The following CSGALNACT1 variants were observed in gnomAD, a reference collection of about 807,000 sequenced individuals.
The protein encoded by CSGALNACT1 is beta4GalNAcT-1.
A neutral mutation model predicts 51.0 loss-of-function variants in CSGALNACT1; 52 were observed. That is an observed-to-expected ratio of 1.02 (90% CI 0.82 to 1.29). CSGALNACT1 has a LOEUF of 1.29. CSGALNACT1 is among the 50% of genes most tolerant of loss of function. CSGALNACT1 has a pLI of 0.00. For missense variants in CSGALNACT1, 935 were observed against 679.2 expected (o/e 1.38, Z -4.19); for synonymous variants, 341 against 254.4 (o/e 1.34, Z -3.24).
At chr8:19,714,506 T>TTTTGGGGTAA (rs1434950903) in intron 1 of CSGALNACT1, among the ~76,000 whole-genome samples, 7 of 152,154 alleles carry the variant, frequency 4.6e-5, no homozygotes, top group Admixed American at 1.3e-4. Flanking sequence ...AACTATATGT[T>TTTTGGGGTAA]AGACTGATTT....
At chr8:19,414,511 G>A (rs2056494371) in intron 8 of CSGALNACT1, among the ~76,000 whole-genome samples, 1 of 152,076 alleles carries the variant, frequency 6.6e-6, no homozygotes. Context: ...TTAAATGTTA[G>A]TATAAAATCC....
intron 1 of CSGALNACT1, among the ~76,000 whole-genome samples, chr8:19,705,594 G>A (rs933676484): frequency 3.3e-5 from 5 of 151,970 alleles, no homozygotes; most frequent in Middle Eastern, 3.2e-3. Context: ...AAAATTAGCC[G>A]GGCATGGTGG....
At position 19,564,907 on chromosome 8, in the gene CSGALNACT1, G is replaced by A. The variant is rs1030575594; in HGVS notation, c.-297+26253C>T. ...AGAACAGTGCCAGGCACACAGCAGG[G>A]ATTCAGTAAATATTGGTAGAATAAA... On this transcript the variant is annotated intron_variant, in intron 3 of 9. Coordinates refer to ENST00000454498, the Ensembl canonical transcript of CSGALNACT1. 4.3e-4 allele frequency among the ~76,000 whole-genome samples: 65 copies of A among 152,290 alleles called. 1 individual carries two copies. The highest frequency in any genetic ancestry group is 3.7e-3 in the Admixed American group (57 of 15,300).
intron 3 of CSGALNACT1, among the ~76,000 whole-genome samples, chr8:19,559,055 A>G (rs1375756635): frequency 6.6e-6 from 1 of 152,178 alleles, no homozygotes; most frequent in African/African-American, 2.4e-5. Context: ...ACAACAAAAA[A>G]GCTTAATTTT....
chr8:19,681,551 G>A (rs1415746898), intron 1 of CSGALNACT1, among the ~76,000 whole-genome samples: 2 of 152,140 alleles, frequency 1.3e-5, no homozygotes, highest in African/African-American at 4.8e-5. Flanking sequence ...TCAGGTAAGT[G>A]GTAAATCTGC....
intron 4 of CSGALNACT1, among the ~76,000 whole-genome samples, chr8:19,459,446 G>A (rs1284419379): frequency 6.8e-5 from 10 of 148,134 alleles, no homozygotes; most frequent in South Asian, 4.3e-4. Flanking sequence ...ACTGACCATA[G>A]TAATCTATTT....
At chr8:19,701,006 G>C (rs996826922) in intron 1 of CSGALNACT1, among the ~76,000 whole-genome samples, 1 of 152,118 alleles carries the variant, frequency 6.6e-6, no homozygotes, top group Non-Finnish European at 1.5e-5. Flanking sequence ...GGAATGTAAA[G>C]AGAGCTTATT....
intron 3 of CSGALNACT1, among the ~76,000 whole-genome samples, chr8:19,553,955 A>G (rs985810933): frequency 3.3e-5 from 5 of 151,800 alleles, no homozygotes; most frequent in Admixed American, 1.3e-4. Flanking sequence ...TGGAAGATAA[A>G]CCTGAAGATA....
intron 1 of CSGALNACT1, among the ~76,000 whole-genome samples, chr8:19,676,083 T>TAAAAAAAAAAA (rs1564404826): frequency 6.8e-5 from 4 of 59,096 alleles, no homozygotes; most frequent in African/African-American, 1.9e-4. Flanking sequence ...GTTGTCTGAT[T>TAAAAAAAAAAA]TAAAAAACAA....
chr8:19,592,134 G>A (rs981412946), intron 2 of CSGALNACT1, among the ~76,000 whole-genome samples: 10 of 152,228 alleles, frequency 6.6e-5, no homozygotes, highest in Admixed American at 5.2e-4. Context: ...AATGCTTCAG[G>A]TTAAAGGAAT....
At chr8:19,406,668 CCA>C (rs1307819305) in intron 9 of CSGALNACT1, among the ~76,000 whole-genome samples, 1 of 150,094 alleles carries the variant, frequency 6.7e-6, no homozygotes, top group Non-Finnish European at 1.5e-5. Context: ...TACACCATCC[CCA>C]CTTTTCAGCT....
intron 5 of CSGALNACT1, chr8:19,457,604 C>T (rs1352160281): frequency 8.6e-7 from 1 of 1,162,376 alleles, no homozygotes; most frequent in Admixed American, 2.3e-5. Context: ...CAGAGTAAGA[C>T]TCCATCTCAA....
chr8:19,610,511 G>A (rs1190497959), intron 1 of CSGALNACT1, among the ~76,000 whole-genome samples: 1 of 152,044 alleles, frequency 6.6e-6, no homozygotes, highest in African/African-American at 2.4e-5. Flanking sequence ...ACAGGGGCAG[G>A]TGGACATCGA....
chr8:19,506,437 C>G (rs2077343199), intron 3 of CSGALNACT1, among the ~76,000 whole-genome samples: 1 of 152,294 alleles, frequency 6.6e-6, no homozygotes, highest in Admixed American at 6.5e-5. Flanking sequence ...CTGGTAATTT[C>G]TGCATAGTGG....
At chr8:19,650,576 G>A (rs11995755) in intron 1 of CSGALNACT1, among the ~76,000 whole-genome samples, 1,925 of 152,258 alleles carry the variant, frequency 0.013, 11 homozygotes, top group African/African-American at 0.026. Flanking sequence ...TGCTGATGAC[G>A]GGGTCAACGT....
Position 19,666,825 on chromosome 8 carries a change from GAGAGAGAGAAAGAAAGAAAGAA to G in CSGALNACT1, c.-544+15626_-544+15647del, listed in dbSNP as rs1244636108. On this transcript the variant is annotated intron_variant, in intron 1 of 9. Transcript: ENST00000332246. ...AAAGAAAGAAAGAGAGAGAGAGAGA[GAGAGAGAGAAAGAAAGAAAGAA>G]AGAAAGAAAGAAAGAAAGAAAGAAA... 1.2e-3 allele frequency among the ~76,000 whole-genome samples: 56 copies of G among 48,296 alleles called. 1 individual carries two copies. Among genetic ancestry groups the G allele is most frequent in the African/African-American group, 2.0e-3 (20 of 9,912 alleles). The allele number at this position is 48,296 out of a possible 152,430, so 31.7% of individuals were successfully genotyped here.
chr8:19,457,327 T>C (rs2064315172), intron 5 of CSGALNACT1, among the ~76,000 whole-genome samples: 1 of 152,162 alleles, frequency 6.6e-6, no homozygotes, highest in South Asian at 2.1e-4. Context: ...AGATTAAAAA[T>C]CAAGGCTGGG....
chr8:19,499,179 C>A (rs1469827273), intron 4 of CSGALNACT1, among the ~76,000 whole-genome samples: 6 of 152,320 alleles, frequency 3.9e-5, no homozygotes, highest in Middle Eastern at 6.8e-3. Flanking sequence ...CTCTGACCGA[C>A]CCATATCTTC....
chr8:19,465,576 G>A (rs1035888462), intron 4 of CSGALNACT1, among the ~76,000 whole-genome samples: 4 of 152,328 alleles, frequency 2.6e-5, no homozygotes, highest in African/African-American at 7.2e-5. Flanking sequence ...CCATGCACAT[G>A]TCTATGCTTC....
Sources: allele counts gnomAD v4.1 joint callset (sites outside exome capture counted in the v4.1 genomes callset), GRCh38; gene constraint gnomAD v4.1.1; transcripts MANE v1.5; gene names NCBI Gene and HGNC (gene_info 2026-07-23, HGNC 2026-07-21).